The following TFDP2 variants were observed in gnomAD, a reference collection of about 807,000 sequenced individuals.
TFDP2 encodes transcription factor Dp-2 (E2F dimerization partner 2).
TFDP2 carries 17 observed loss-of-function variants against 59.3 expected under a neutral mutation model. The observed-to-expected ratio is 0.29, with a 90% CI of 0.20 to 0.43. The LOEUF is 0.43. Among genes scored for constraint, TFDP2 ranks in the 20% least tolerant of loss-of-function variants. TFDP2 has a pLI of 1.00. For missense variants in TFDP2, 391 were observed against 528.8 expected, an observed-to-expected ratio of 0.74 and a Z score of 2.56; for synonymous variants, 180 against 194.7, an observed-to-expected ratio of 0.92 and a Z score of 0.63.
intron 6 of TFDP2, among the ~76,000 whole-genome samples, chr3:141,979,514 C>CA (rs755183135): frequency 6.6e-6 from 1 of 152,140 alleles, no homozygotes; most frequent in Non-Finnish European, 1.5e-5. Context: ...GAAGACCTTC[C>CA]AGTAGGACAA....
chr3:142,141,802 G>A (rs1028601324), intron 1 of TFDP2, among the ~76,000 whole-genome samples: 4 of 151,666 alleles, frequency 2.6e-5, no homozygotes, highest in African/African-American at 9.7e-5. Context: ...CAGCCTGGGT[G>A]ACAGAGCAAG....
intron 4 of TFDP2, among the ~76,000 whole-genome samples, chr3:141,995,683 AGACCAG>A (rs556446304): frequency 3.3e-5 from 5 of 152,144 alleles, no homozygotes; most frequent in Non-Finnish European, 5.9e-5. Flanking sequence ...CACGAGTTCA[AGACCAG>A]CCTGGCCAAC....
intron 3 of TFDP2, among the ~76,000 whole-genome samples, chr3:142,063,729 C>T (rs2059989327): frequency 6.6e-6 from 1 of 152,044 alleles, no homozygotes; most frequent in Non-Finnish European, 1.5e-5. Flanking sequence ...TTAGACAGTG[C>T]TCCTTAGTTG....
intron 6 of TFDP2, among the ~76,000 whole-genome samples, chr3:141,979,825 G>A (rs772569782): frequency 2.0e-5 from 3 of 152,078 alleles, no homozygotes; most frequent in Non-Finnish European, 4.4e-5. Context: ...CTGACCTCAG[G>A]TGATCTGCCT....
chr3:142,009,009 C>G (rs757026299), intron 3 of TFDP2, among the ~76,000 whole-genome samples: 1 of 152,142 alleles, frequency 6.6e-6, no homozygotes, highest in Non-Finnish European at 1.5e-5. Flanking sequence ...GCATCTCCTT[C>G]TTGTTAAAAG....
intron 3 of TFDP2, among the ~76,000 whole-genome samples, chr3:142,083,747 C>T (rs111476220): frequency 0.085 from 12,966 of 151,938 alleles, 694 homozygotes; most frequent in Middle Eastern, 0.14. Context: ...ACAACATACA[C>T]TGGAGAACAG....
chr3:142,125,503 C>T (rs2062203200), intron 1 of TFDP2, among the ~76,000 whole-genome samples: 1 of 151,772 alleles, frequency 6.6e-6, no homozygotes, highest in Non-Finnish European at 1.5e-5. Context: ...CACACACACG[C>T]ACACACACAC....
intron 10 of TFDP2, among the ~76,000 whole-genome samples, chr3:141,962,115 T>C (rs1937438845): frequency 6.6e-6 from 1 of 151,894 alleles, no homozygotes; most frequent in African/African-American, 2.4e-5. Context: ...CGCTAATTTT[T>C]GTATTTTTAG....
chr3:142,113,797 A>G lies in TFDP2; in HGVS notation c.-92-11956T>C, dbSNP rs528807102. Among the ~76,000 whole-genome samples, 4 of 152,322 alleles carry G rather than the reference A, an allele frequency of 2.6e-5. No homozygotes were observed. The South Asian group carries it at 8.3e-4, about 32-fold the overall frequency. On this transcript the variant is annotated intron_variant, in intron 1 of 12. Transcript: ENST00000489671. ...CTGTACTTATACAAATACCTAATCT[A>G]TATTCAAATGAAAATGAAACAACTG...
intron 3 of TFDP2, among the ~76,000 whole-genome samples, chr3:142,053,530 A>T (rs1029917398): frequency 6.6e-6 from 1 of 152,150 alleles, no homozygotes; most frequent in Non-Finnish European, 1.5e-5. Flanking sequence ...TTTATAAATT[A>T]TCCTGCCTCA....
At chr3:142,043,710 T>C in intron 3 of TFDP2, 3 of 1,171,574 alleles carry the variant, frequency 2.6e-6, no homozygotes, top group African/African-American at 1.5e-5. Flanking sequence ...GCTTGCGTGC[T>C]TCCTTGGTCT....
At position 141,963,966 on chromosome 3, in the gene TFDP2, G is replaced by T. The variant is rs1167608094; in HGVS notation, c.733-3C>A. On this transcript the variant is annotated splice_polypyrimidine_tract_variant and splice_region_variant and intron_variant, in intron 9 of 12. Coordinates refer to ENST00000489671, the MANE Select transcript of TFDP2 (RefSeq NM_001178139.2). The stretch of plus-strand genomic sequence containing the variant: ...ACCAGGTTTTTGAAAGCGATTTGCT[G>T]TAATGATCAATAAAAACAATATGGT... 1 of 1,612,118 alleles carries T rather than the reference G, an allele frequency of 6.2e-7. No individual in the cohort carries two copies. Among genetic ancestry groups the T allele is most frequent in the Non-Finnish European group, 8.5e-7 (1 of 1,179,448 alleles).
In TFDP2 at chr3:142,130,501, T is replaced by A. The variant is rs186269327; in HGVS notation, c.-93+18682A>T. 6.4e-3 allele frequency among the ~76,000 whole-genome samples: 977 copies of A among 152,122 alleles called. 24 individuals are homozygous for A. Among genetic ancestry groups the A allele is most frequent in the Non-Finnish European group, 6.1e-3 (415 of 68,006 alleles). On this transcript the variant is annotated intron_variant, in intron 1 of 12. Transcript: ENST00000489671. ...CCGTATTTACTATTTCTTTTTTTTT[T>A]TTTATACTTTTAAGTTTTAGGGTAC...
intron 3 of TFDP2, among the ~76,000 whole-genome samples, chr3:142,070,569 T>A (rs2060214500): frequency 6.6e-6 from 1 of 152,206 alleles, no homozygotes; most frequent in Non-Finnish European, 1.5e-5. Flanking sequence ...CATGAGCCAC[T>A]ATGCCCAGCC....
rs550494128 is a variant in TFDP2, at chr3:141,999,843, C to T, written c.187-4702G>A. Among the ~76,000 whole-genome samples, 298 of 151,574 alleles carry T rather than the reference C, an allele frequency of 2.0e-3. 1 individual carries two copies. Among genetic ancestry groups the T allele is most frequent in the African/African-American group, 6.8e-3 (283 of 41,320 alleles). On this transcript the variant is annotated intron_variant, in intron 4 of 12. Transcript: ENST00000489671. ...CTCCGCCTCCCGGGTTCATGCCATT[C>T]TCCTGCCTCAGCCTCCTGAGTAGCT...
chr3:141,998,605 C>A (rs569557964), intron 4 of TFDP2, among the ~76,000 whole-genome samples: 1 of 151,896 alleles, frequency 6.6e-6, no homozygotes, highest in Non-Finnish European at 1.5e-5. Context: ...GGTGACAGAG[C>A]GAGACTCTGT....
chr3:142,126,278 A>T (rs1317115425), intron 1 of TFDP2: 1 of 150,572 alleles, frequency 6.6e-6, no homozygotes, highest in African/African-American at 2.4e-5. Flanking sequence ...TCCCGGATTC[A>T]AGCGATTCTC....
chr3:142,060,021 T>C lies in TFDP2; in HGVS notation c.82+33040A>G, dbSNP rs571112490. Among the ~76,000 whole-genome samples, 22 of 152,342 alleles carry C rather than the reference T, an allele frequency of 1.4e-4. No individual in the cohort carries two copies. In the South Asian group the frequency reaches 4.3e-3, roughly 30 times the overall value. On this transcript the variant is annotated intron_variant, in intron 3 of 12. Transcript: ENST00000489671. ...TCTCATGGATACATCTTAAATAATA[T>C]AAAGATAACATTAACTTTGCTTTTT...
chr3:142,108,313 G>A (rs138760923), intron 1 of TFDP2, among the ~76,000 whole-genome samples: 309 of 151,828 alleles, frequency 2.0e-3, no homozygotes, highest in African/African-American at 7.2e-3. Flanking sequence ...AGGTTCAAGC[G>A]ATTCTTCTGC....
Sources: gnomAD v4.1 joint callset for allele counts (sites outside exome capture counted in the v4.1 genomes callset) on GRCh38, gnomAD v4.1.1 for gene constraint, MANE v1.5 for transcripts, NCBI Gene and HGNC (gene_info 2026-07-23, HGNC 2026-07-21) for gene names.